The following FHOD3 variants were observed in gnomAD, a reference collection of about 807,000 sequenced individuals.
The protein encoded by FHOD3 is formin homology 2 domain containing 3.
FHOD3 carries 90 observed loss-of-function variants against 173.0 expected under a neutral mutation model. The observed-to-expected ratio is 0.52, with a 90% confidence interval of 0.44 to 0.62. The LOEUF is 0.62. FHOD3 is among the 20% of genes least tolerant of loss of function. FHOD3 has a pLI of 0.00. For missense variants in FHOD3, 1,945 were observed against 2,034.7 expected (o/e 0.96, Z 0.85); for synonymous variants, 828 against 823.0 (o/e 1.01, Z -0.10).
At position 36,747,050 on chromosome 18, in the gene FHOD3, T is replaced by C. The variant is rs2042185767; in HGVS notation, c.4147T>C (p.Leu1383=). ...TGCAAAACATGAAATGAAACCAGTT[T>C]TAAAACAACGGATGTCAGAGTTCCT... is the stretch of plus-strand genomic sequence containing the variant. ...AIAKHEMKPV[L]KQRMSEFLKD... Residue 1383 remains leucine, a synonymous_variant, in exon 24 of 29, where the codon TTA becomes CTA. Transcript: ENST00000590592. 1 of 1,614,034 alleles carries C rather than the reference T, an allele frequency of 6.2e-7. No individual in the cohort carries two copies. Among genetic ancestry groups the C allele is most frequent in the Admixed American group, 1.7e-5 (1 of 59,992 alleles).
intron 28 of FHOD3, among the ~76,000 whole-genome samples, chr18:36,773,519 C>T (rs2043488809): frequency 6.6e-6 from 1 of 152,206 alleles, no homozygotes; most frequent in African/African-American, 2.4e-5. Flanking sequence ...GGGCCTGGGT[C>T]TCACGAGTGA....
intron 1 of FHOD3, among the ~76,000 whole-genome samples, chr18:36,333,430 G>A (rs1195889582): frequency 6.6e-6 from 1 of 152,166 alleles, no homozygotes; most frequent in Non-Finnish European, 1.5e-5. Flanking sequence ...CACTTAATTT[G>A]GTGGAAAGGA....
chr18:36,513,195 A>AAAG (rs397708631), intron 5 of FHOD3, among the ~76,000 whole-genome samples: 1 of 151,654 alleles, frequency 6.6e-6, no homozygotes. Flanking sequence ...AAAAAAAAAA[A>AAAG]CAAATAACAA....
intron 5 of FHOD3, among the ~76,000 whole-genome samples, chr18:36,573,811 A>AT: frequency 6.6e-6 from 1 of 152,218 alleles, no homozygotes; most frequent in Non-Finnish European, 1.5e-5. Flanking sequence ...TTATTTTGGT[A>AT]TATTAAATAA....
chr18:36,367,790 G>T (rs1277446403), intron 2 of FHOD3, among the ~76,000 whole-genome samples: 1 of 152,080 alleles, frequency 6.6e-6, no homozygotes, highest in Non-Finnish European at 1.5e-5. Context: ...GGTGTGGAGG[G>T]AGGGACCTGG....
At chr18:36,575,208 T>C (rs2058604171) in intron 5 of FHOD3, among the ~76,000 whole-genome samples, 1 of 152,236 alleles carries the variant, frequency 6.6e-6, no homozygotes, top group Non-Finnish European at 1.5e-5. Context: ...TCACCTCATG[T>C]GATCCACCTG....
chr18:36,629,226 G>A (rs2034329993), intron 10 of FHOD3, among the ~76,000 whole-genome samples: 1 of 152,154 alleles, frequency 6.6e-6, no homozygotes, highest in Non-Finnish European at 1.5e-5. Flanking sequence ...AGTACCAGAC[G>A]GTCTCTATTG....
At chr18:36,476,063 T>C (rs1021249949) in intron 3 of FHOD3, among the ~76,000 whole-genome samples, 1 of 152,232 alleles carries the variant, frequency 6.6e-6, no homozygotes, top group Non-Finnish European at 1.5e-5. Context: ...ATATTGAATT[T>C]ATGAAGCTTG....
intron 3 of FHOD3, among the ~76,000 whole-genome samples, chr18:36,422,113 C>T (rs1000201534): frequency 6.6e-6 from 1 of 152,198 alleles, no homozygotes; most frequent in African/African-American, 2.4e-5. Flanking sequence ...CTCTCACCTT[C>T]GACTTTGCTC....
chr18:36,410,041 A>G (rs1372052321), intron 3 of FHOD3, among the ~76,000 whole-genome samples: 1 of 152,180 alleles, frequency 6.6e-6, no homozygotes, highest in East Asian at 1.9e-4. Context: ...CAATTCACTC[A>G]CCTAAAGTGT....
intron 3 of FHOD3, among the ~76,000 whole-genome samples, chr18:36,377,080 A>G (rs772872107): frequency 1.3e-5 from 2 of 152,182 alleles, no homozygotes; most frequent in Non-Finnish European, 2.9e-5. Flanking sequence ...GGTTTTGTCC[A>G]GTGCTTGAGC....
intron 28 of FHOD3, among the ~76,000 whole-genome samples, chr18:36,773,045 G>A (rs947956233): frequency 1.3e-5 from 2 of 152,180 alleles, no homozygotes; most frequent in Admixed American, 6.5e-5. Context: ...CCTTTTAGAG[G>A]GCATCCCTCT....
At chr18:36,405,525 T>C (rs1447542193) in intron 3 of FHOD3, among the ~76,000 whole-genome samples, 1 of 152,218 alleles carries the variant, frequency 6.6e-6, no homozygotes, top group Non-Finnish European at 1.5e-5. Context: ...TTTTATTTTT[T>C]GGCCTACATT....
chr18:36,742,240 G>C (rs1186379323), intron 21 of FHOD3, among the ~76,000 whole-genome samples: 2 of 152,116 alleles, frequency 1.3e-5, no homozygotes, highest in African/African-American at 4.8e-5. Flanking sequence ...AAAGCAGTGG[G>C]GTAGAGGGCA....
chr18:36,515,946 C>T (rs898497568), intron 5 of FHOD3, among the ~76,000 whole-genome samples: 5 of 152,170 alleles, frequency 3.3e-5, no homozygotes, highest in African/African-American at 1.2e-4. Context: ...ATTGTCACCA[C>T]ATTTTGATGT....
chr18:36,310,412 G>A (rs2144663369), intron 1 of FHOD3, among the ~76,000 whole-genome samples: 1 of 152,256 alleles, frequency 6.6e-6, no homozygotes, highest in Admixed American at 6.5e-5. Context: ...GGGGCCGGGT[G>A]CAGTGGCTTA....
chr18:36,435,006 T>C (rs2050740146), intron 3 of FHOD3, among the ~76,000 whole-genome samples: 2 of 152,128 alleles, frequency 1.3e-5, no homozygotes, highest in Non-Finnish European at 1.5e-5. Context: ...ATTTAATGCT[T>C]AATATTATTA....
At chr18:36,432,723 T>G (rs552519849) in intron 3 of FHOD3, among the ~76,000 whole-genome samples, 4 of 152,352 alleles carry the variant, frequency 2.6e-5, no homozygotes, top group African/African-American at 9.6e-5. Context: ...TGGCTCCTTC[T>G]TGCTGGTTTT....
intron 14 of FHOD3, among the ~76,000 whole-genome samples, chr18:36,665,198 T>A (rs1392131310): frequency 6.6e-6 from 1 of 152,226 alleles, no homozygotes; most frequent in African/African-American, 2.4e-5. Flanking sequence ...AGTTTTATTG[T>A]TATAATGGAA....
Sources: allele counts gnomAD v4.1 joint callset (sites outside exome capture counted in the v4.1 genomes callset), GRCh38; gene constraint gnomAD v4.1.1; transcripts MANE v1.5; gene names NCBI Gene and HGNC (gene_info 2026-07-23, HGNC 2026-07-21).